NKAIN2: variants seen among roughly 807,000 people sequenced by gnomAD.
NKAIN2 encodes the protein sodium/potassium transporting ATPase interacting 2.
A neutral mutation model predicts 32.6 loss-of-function variants in NKAIN2; 14 were observed. The observed-to-expected ratio is 0.43, with a 90% confidence interval of 0.28 to 0.67. NKAIN2 has a LOEUF of 0.67. Among genes scored for constraint, NKAIN2 ranks in the 30% least tolerant of loss-of-function variants. NKAIN2 has a pLI of 0.17. For synonymous variants in NKAIN2, 80 were observed against 87.2 expected (o/e 0.92, Z 0.46); for missense variants, 198 against 258.3 (o/e 0.77, Z 1.60).
intron 4 of NKAIN2, among the ~76,000 whole-genome samples, chr6:124,699,532 T>C (rs1313941095): frequency 6.6e-6 from 1 of 152,174 alleles, no homozygotes; most frequent in Non-Finnish European, 1.5e-5. Flanking sequence ...CAGTTTCTCA[T>C]AAATGGTTTA....
At chr6:124,656,705 C>T (rs1307393280) in intron 3 of NKAIN2, among the ~76,000 whole-genome samples, 1 of 152,092 alleles carries the variant, frequency 6.6e-6, no homozygotes, top group Non-Finnish European at 1.5e-5. Flanking sequence ...TCAGCCATCA[C>T]CCCCCTACCC....
chr6:124,409,932 G>A (rs1242944055), intron 3 of NKAIN2, among the ~76,000 whole-genome samples: 1 of 152,178 alleles, frequency 6.6e-6, no homozygotes, highest in Non-Finnish European at 1.5e-5. Flanking sequence ...GAGGGTGTAT[G>A]TGTCGAGGAA....
At chr6:124,731,431 AC>A (rs1165463821) in intron 4 of NKAIN2, among the ~76,000 whole-genome samples, 1 of 149,976 alleles carries the variant, frequency 6.7e-6, no homozygotes, top group Non-Finnish European at 1.5e-5. Context: ...AAATTGGAAA[AC>A]ATCATTCTCA....
intron 4 of NKAIN2, among the ~76,000 whole-genome samples, chr6:124,767,993 G>A (rs1436115020): frequency 6.6e-6 from 1 of 151,996 alleles, no homozygotes; most frequent in East Asian, 1.9e-4. Context: ...TGTGACAATG[G>A]CTTTATATTA....
At chr6:124,338,454 G>A (rs919224830) in intron 2 of NKAIN2, among the ~76,000 whole-genome samples, 7 of 152,050 alleles carry the variant, frequency 4.6e-5, no homozygotes, top group Non-Finnish European at 8.8e-5. Context: ...GTATTACACC[G>A]TCATACTGAT....
intron 1 of NKAIN2, among the ~76,000 whole-genome samples, chr6:123,829,912 A>G (rs1582608711): frequency 6.6e-6 from 1 of 152,186 alleles, no homozygotes; most frequent in Non-Finnish European, 1.5e-5. Flanking sequence ...ACACTTCTGC[A>G]TAAGCTGGGG....
At chr6:124,560,184 G>A (rs1422892065) in intron 3 of NKAIN2, among the ~76,000 whole-genome samples, 2 of 152,064 alleles carry the variant, frequency 1.3e-5, no homozygotes, top group Non-Finnish European at 2.9e-5. Context: ...GAACCAGGTG[G>A]GAGGTAATTA....
chr6:123,970,819 T>A lies in NKAIN2; in HGVS notation c.54+166565T>A, dbSNP rs533961585. 4.6e-5 allele frequency among the ~76,000 whole-genome samples: 7 copies of A among 152,086 alleles called. No homozygotes were observed. The East Asian group carries it at 1.4e-3, about 29-fold the overall frequency. On this transcript the variant is annotated intron_variant, in intron 1 of 6. Coordinates refer to ENST00000368417, the MANE Select transcript of NKAIN2 (RefSeq NM_001040214.3). ...ATTGCTTGAACCCAGGAGGCGGAGG[T>A]TGCTGTGAGCTGAGATCGCGCCACT...
intron 3 of NKAIN2, among the ~76,000 whole-genome samples, chr6:124,576,084 C>G (rs1348949207): frequency 6.6e-6 from 1 of 152,156 alleles, no homozygotes; most frequent in African/African-American, 2.4e-5. Flanking sequence ...TAAAAATAAC[C>G]TTAATCAAGC....
At chr6:123,933,286 A>T (rs372073360) in intron 1 of NKAIN2, among the ~76,000 whole-genome samples, 1 of 152,346 alleles carries the variant, frequency 6.6e-6, no homozygotes, top group African/African-American at 2.4e-5. Flanking sequence ...TAAATTGTTA[A>T]CATATATTTT....
intron 3 of NKAIN2, among the ~76,000 whole-genome samples, chr6:124,412,874 C>T (rs889106728): frequency 4.6e-5 from 7 of 152,278 alleles, no homozygotes; most frequent in South Asian, 2.1e-4. Flanking sequence ...TGGGCAATGG[C>T]GGGCGCCCCT....
chr6:124,250,179 G>A (rs2114805546), intron 1 of NKAIN2, among the ~76,000 whole-genome samples: 1 of 152,136 alleles, frequency 6.6e-6, no homozygotes, highest in East Asian at 1.9e-4. Context: ...CAGAACATGG[G>A]TACTCACCAA....
At chr6:124,761,857 G>A (rs1778279383) in intron 4 of NKAIN2, among the ~76,000 whole-genome samples, 1 of 152,020 alleles carries the variant, frequency 6.6e-6, no homozygotes, top group East Asian at 1.9e-4. Flanking sequence ...ATCACATTAT[G>A]AATTTTGGAA....
At chr6:124,820,440 A>G (rs1246000045) in intron 6 of NKAIN2, among the ~76,000 whole-genome samples, 2 of 152,244 alleles carry the variant, frequency 1.3e-5, no homozygotes, top group Non-Finnish European at 2.9e-5. Context: ...AAGAATATAT[A>G]TAAAGCACAT....
chr6:124,329,546 G>T (rs1270607659), intron 2 of NKAIN2, among the ~76,000 whole-genome samples: 1 of 152,166 alleles, frequency 6.6e-6, no homozygotes, highest in Non-Finnish European at 1.5e-5. Context: ...CCCCAAGATT[G>T]TCGCTGGGAG....
chr6:124,304,106 G>T (rs1436478930), intron 2 of NKAIN2, among the ~76,000 whole-genome samples: 1 of 152,108 alleles, frequency 6.6e-6, no homozygotes, highest in East Asian at 1.9e-4. Flanking sequence ...GGAATGTATA[G>T]GAATCTGGAA....
intron 1 of NKAIN2, among the ~76,000 whole-genome samples, chr6:123,814,097 G>C (rs902005152): frequency 1.3e-5 from 2 of 152,000 alleles, no homozygotes; most frequent in African/African-American, 4.8e-5. Context: ...TTATGAGTTT[G>C]CCTTTTCTAT....
chr6:123,981,595 C>A (rs1391022338), intron 1 of NKAIN2, among the ~76,000 whole-genome samples: 1 of 152,190 alleles, frequency 6.6e-6, no homozygotes, highest in East Asian at 1.9e-4. Flanking sequence ...CAAGCACACC[C>A]TGCAGAATGG....
At chr6:123,893,925 C>T (rs1774146057) in intron 1 of NKAIN2, among the ~76,000 whole-genome samples, 2 of 151,952 alleles carry the variant, frequency 1.3e-5, no homozygotes, top group African/African-American at 4.8e-5. Flanking sequence ...TTCCTTAGTC[C>T]CAGGGATTAA....
Sources: gnomAD v4.1 joint callset for allele counts (sites outside exome capture counted in the v4.1 genomes callset) on GRCh38, gnomAD v4.1.1 for gene constraint, MANE v1.5 for transcripts, NCBI Gene and HGNC (gene_info 2026-07-23, HGNC 2026-07-21) for gene names.